The following GLIS1 variants were observed in gnomAD, a reference collection of about 807,000 sequenced individuals.
GLIS1 encodes the protein zinc finger protein GLIS1.
In GLIS1, 24 loss-of-function variants were observed where a neutral mutation model predicts 63.8. The observed-to-expected ratio is 0.38, with a 90% confidence interval of 0.27 to 0.53. GLIS1 has a LOEUF of 0.53. GLIS1 is among the 20% of genes least tolerant of loss of function. The pLI is 0.85. For synonymous variants in GLIS1, 450 were observed against 482.5 expected (o/e 0.93, Z 0.88); for missense variants, 1,036 against 1,074.1 (o/e 0.96, Z 0.50).
At position 53,737,976 on chromosome 1, in the gene GLIS1, A is replaced by T. The variant is rs1170060232; in HGVS notation, c.89T>A (p.Leu30His). 8.1e-7 allele frequency: 1 copy of T among 1,230,284 alleles called. No individual in the cohort carries two copies. Among genetic ancestry groups the T allele is most frequent in the African/African-American group, 1.6e-5 (1 of 64,422 alleles). 76.2% of individuals were successfully genotyped at this position (1,230,284 alleles called of 1,614,324 possible). Reference protein sequence around the residue: ...APGPDRGPASLGAHMAFRVTV... With the variant: ...APGPDRGPASHGAHMAFRVTV... The stretch of plus-strand genomic sequence containing the variant: ...GACCCTGAAGGCCATGTGCGCGCCG[A>T]GGCTGGCGGGGCCGCGGTCGGGGCC... Residue 30 changes from leucine to histidine, a missense_variant, in exon 2 of 11, where the codon CTC becomes CAC. Leu to His is a moderately conservative substitution (Grantham distance 99). Around this residue, in one of 3 missense-constraint regions of GLIS1, gnomAD observed 592 missense variants for 593.9 expected, o/e 1.00. Coordinates refer to ENST00000628545, the MANE Select transcript of GLIS1 (RefSeq NM_001367484.1).
intron 2 of GLIS1, among the ~76,000 whole-genome samples, chr1:53,731,586 C>T (rs1222236715): frequency 1.3e-5 from 2 of 152,222 alleles, no homozygotes; most frequent in Non-Finnish European, 2.9e-5. Flanking sequence ...GGCTCTGTTG[C>T]TTACTACATG....
intron 2 of GLIS1, among the ~76,000 whole-genome samples, chr1:53,709,892 T>TTG (rs1646628377): frequency 6.6e-6 from 1 of 152,110 alleles, no homozygotes; most frequent in Non-Finnish European, 1.5e-5. Context: ...GAAAGCCTTA[T>TTG]TGTTGGGAGA....
At chr1:53,523,355 C>T (rs1644430955) in intron 6 of GLIS1, among the ~76,000 whole-genome samples, 1 of 152,132 alleles carries the variant, frequency 6.6e-6, no homozygotes, top group Non-Finnish European at 1.5e-5. Flanking sequence ...TTCTTTCCCA[C>T]TGAGGCCCCT....
At chr1:53,726,955 C>A (rs966507430) in intron 2 of GLIS1, among the ~76,000 whole-genome samples, 2 of 152,228 alleles carry the variant, frequency 1.3e-5, no homozygotes, top group African/African-American at 4.8e-5. Context: ...CCACAGCTCA[C>A]CTCTGGGACA....
chr1:53,675,241 G>A (rs750654281), intron 2 of GLIS1, among the ~76,000 whole-genome samples: 2 of 152,178 alleles, frequency 1.3e-5, no homozygotes, highest in Non-Finnish European at 2.9e-5. Context: ...TACTCTCCAA[G>A]GGTCTTCTGT....
intron 2 of GLIS1, among the ~76,000 whole-genome samples, chr1:53,626,500 G>A (rs1336416272): frequency 6.6e-6 from 1 of 152,190 alleles, no homozygotes; most frequent in Non-Finnish European, 1.5e-5. Flanking sequence ...TCCCTGACCT[G>A]AGAAGTCTCA....
intron 2 of GLIS1, among the ~76,000 whole-genome samples, chr1:53,722,779 G>C (rs1285209228): frequency 6.6e-6 from 1 of 151,356 alleles, no homozygotes; most frequent in African/African-American, 2.4e-5. Flanking sequence ...GCTACAGTGA[G>C]CTGTGATTGG....
intron 2 of GLIS1, among the ~76,000 whole-genome samples, chr1:53,692,680 C>A (rs1646419423): frequency 6.6e-6 from 1 of 152,096 alleles, no homozygotes; most frequent in Non-Finnish European, 1.5e-5. Flanking sequence ...AAGTGGGGGA[C>A]CCTGACCCAG....
chr1:53,547,520 G>A (rs1265707279), intron 4 of GLIS1, among the ~76,000 whole-genome samples: 2 of 152,154 alleles, frequency 1.3e-5, no homozygotes, highest in African/African-American at 2.4e-5. Flanking sequence ...ACTTACCTCC[G>A]CCAGGCTCCA....
chr1:53,624,619 C>T (rs1018328231), intron 2 of GLIS1, among the ~76,000 whole-genome samples: 2 of 151,800 alleles, frequency 1.3e-5, no homozygotes, highest in African/African-American at 4.8e-5. Flanking sequence ...TAGCTCACTG[C>T]AGCCTTGAAC....
At chr1:53,610,623 T>C (rs1645415712) in intron 2 of GLIS1, among the ~76,000 whole-genome samples, 1 of 152,242 alleles carries the variant, frequency 6.6e-6, no homozygotes, top group Admixed American at 6.5e-5. Flanking sequence ...TTTCAGCAGT[T>C]TGACATAACT....
intron 4 of GLIS1, among the ~76,000 whole-genome samples, chr1:53,533,481 C>T (rs1569771832): frequency 6.6e-6 from 1 of 152,230 alleles, no homozygotes; most frequent in South Asian, 2.1e-4. Context: ...GTTGGCCCAG[C>T]CTTGTTCTGC....
intron 4 of GLIS1, among the ~76,000 whole-genome samples, chr1:53,554,015 T>C (rs570361079): frequency 1.3e-5 from 2 of 152,218 alleles, no homozygotes; most frequent in African/African-American, 2.4e-5. Flanking sequence ...TGGGTGTCCC[T>C]AAATGGAGAA....
intron 2 of GLIS1, among the ~76,000 whole-genome samples, chr1:53,713,206 C>A (rs1646663793): frequency 7.5e-6 from 1 of 132,608 alleles, no homozygotes; most frequent in African/African-American, 2.8e-5. Context: ...TCTTCAAGAC[C>A]AGCCTGGGCA....
At chr1:53,718,250 G>T (rs796413931) in intron 2 of GLIS1, among the ~76,000 whole-genome samples, 1 of 152,106 alleles carries the variant, frequency 6.6e-6, no homozygotes, top group Non-Finnish European at 1.5e-5. Context: ...AGAATCCAGG[G>T]GGCACAGGAG....
At chr1:53,592,556 CG>C (rs763340691) in intron 4 of GLIS1, among the ~76,000 whole-genome samples, 277 of 152,354 alleles carry the variant, frequency 1.8e-3, no homozygotes, top group Admixed American at 4.0e-3. Context: ...GCCTGGCCTG[CG>C]CGCTGTCTAT....
chr1:53,666,721 C>A (rs1331686355), intron 2 of GLIS1, among the ~76,000 whole-genome samples: 2 of 152,228 alleles, frequency 1.3e-5, no homozygotes, highest in African/African-American at 4.8e-5. Flanking sequence ...CAGAAATAAT[C>A]CCATGCACCT....
At chr1:53,542,671 C>T (rs1052967350) in intron 4 of GLIS1, among the ~76,000 whole-genome samples, 5 of 152,208 alleles carry the variant, frequency 3.3e-5, no homozygotes, top group Admixed American at 1.3e-4. Flanking sequence ...GGAAGCCAGA[C>T]GCATGTACAT....
chr1:53,675,453 G>T lies in GLIS1; in HGVS notation c.259+62353C>A, dbSNP rs561333077. Among the ~76,000 whole-genome samples, 75 of 152,284 alleles carry T rather than the reference G, an allele frequency of 4.9e-4. No individual in the cohort carries two copies. In the South Asian group the frequency reaches 0.012, roughly 24 times the overall value. On this transcript the variant is annotated intron_variant, in intron 2 of 10. Transcript: ENST00000628545. ...GAATCAGAAGCTTGGGTGGTGCCTG[G>T]CTCAGACCCAAATTAGGGCCCAACT... is the stretch of plus-strand genomic sequence containing the variant.
Sources: allele counts gnomAD v4.1 joint callset (sites outside exome capture counted in the v4.1 genomes callset), GRCh38; gene constraint gnomAD v4.1.1; regional missense constraint gnomAD v4.1.1; transcripts MANE v1.5; gene names NCBI Gene and HGNC (gene_info 2026-07-23, HGNC 2026-07-21).